Variants in PPM1D observed in about 807,000 individuals in gnomAD.
PPM1D encodes protein phosphatase, Mg2+/Mn2+ dependent 1D, also known as protein phosphatase 1D.
In PPM1D, 52 loss-of-function variants were observed where a neutral mutation model predicts 58.3. The ratio of observed to expected loss-of-function variants is 0.89; its 90% CI spans 0.71 to 1.12. The LOEUF (loss-of-function observed/expected upper bound fraction) is 1.12, where lower values mean the gene tolerates loss of function less well. PPM1D is among the 50% of genes most tolerant of loss of function. The probability of loss-of-function intolerance (pLI) is 0.00; values close to 1 mark genes in which losing one functional copy is unlikely to be tolerated. For synonymous variants in PPM1D, 278 were observed against 285.1 expected (o/e 0.98, Z 0.25); for missense variants, 564 against 777.2 (o/e 0.73, Z 3.26).
intron 3 of PPM1D, among the ~76,000 whole-genome samples, chr17:60,636,703 T>C (rs1449301898): frequency 2.7e-5 from 4 of 150,460 alleles, no homozygotes; most frequent in African/African-American, 4.9e-5. Context: ...ATTTTTCTCT[T>C]TTTTTTTTGA....
intron 1 of PPM1D, among the ~76,000 whole-genome samples, chr17:60,623,252 T>C (rs1029234165): frequency 6.6e-6 from 1 of 152,212 alleles, no homozygotes. Flanking sequence ...CTAAGAGTCA[T>C]GTAGCAGTAG....
chr17:60,620,753 C>A (rs1231710856), intron 1 of PPM1D, among the ~76,000 whole-genome samples: 1 of 151,948 alleles, frequency 6.6e-6, no homozygotes, highest in Non-Finnish European at 1.5e-5. Flanking sequence ...CATGGTCCAC[C>A]CACTTTGGCT....
At chr17:60,644,853 A>T (rs1374987183) in intron 3 of PPM1D, among the ~76,000 whole-genome samples, 1 of 152,220 alleles carries the variant, frequency 6.6e-6, no homozygotes, top group Admixed American at 6.5e-5. Flanking sequence ...TATCATTTAT[A>T]ATCGCACCCA....
At chr17:60,611,183 G>A (rs1291713240) in intron 1 of PPM1D, among the ~76,000 whole-genome samples, 1 of 151,884 alleles carries the variant, frequency 6.6e-6, no homozygotes, top group Non-Finnish European at 1.5e-5. Context: ...CACCACCCCA[G>A]CTAATTTTTC....
At chr17:60,641,369 T>C (rs2031130877) in intron 3 of PPM1D, among the ~76,000 whole-genome samples, 1 of 152,236 alleles carries the variant, frequency 6.6e-6, no homozygotes, top group South Asian at 2.1e-4. Context: ...TTTTTATGAT[T>C]CTTGGCCGTT....
At chr17:60,628,260 A>C (rs749190489) in intron 2 of PPM1D, among the ~76,000 whole-genome samples, 2 of 152,180 alleles carry the variant, frequency 1.3e-5, no homozygotes, top group African/African-American at 2.4e-5. Flanking sequence ...CAGAATTCTC[A>C]TATATACTTT....
intron 3 of PPM1D, among the ~76,000 whole-genome samples, chr17:60,634,525 G>C (rs1041980869): frequency 6.6e-6 from 1 of 152,122 alleles, no homozygotes; most frequent in African/African-American, 2.4e-5. Flanking sequence ...TGCATATCTA[G>C]GCTTAATGTT....
At chr17:60,629,749 T>C (rs1032201677) in intron 2 of PPM1D, among the ~76,000 whole-genome samples, 1 of 152,140 alleles carries the variant, frequency 6.6e-6, no homozygotes, top group African/African-American at 2.4e-5. Flanking sequence ...AAAAATACTT[T>C]TCTTGGGGCC....
intron 5 of PPM1D, among the ~76,000 whole-genome samples, chr17:60,660,760 C>CA: frequency 6.6e-6 from 1 of 151,140 alleles, no homozygotes; most frequent in South Asian, 2.1e-4. Flanking sequence ...GACTCGGCCT[C>CA]AAAAAAAGAA....
intron 1 of PPM1D, among the ~76,000 whole-genome samples, chr17:60,616,783 T>C (rs946196664): frequency 1.3e-5 from 2 of 152,232 alleles, no homozygotes; most frequent in Non-Finnish European, 2.9e-5. Context: ...CATTGCAAAA[T>C]ATCTCTTTGT....
At chr17:60,650,247 A>G (rs1034415838) in intron 4 of PPM1D, among the ~76,000 whole-genome samples, 2 of 152,190 alleles carry the variant, frequency 1.3e-5, no homozygotes, top group Non-Finnish European at 2.9e-5. Flanking sequence ...GTTTTTGGAA[A>G]AAACACAAAG....
chr17:60,653,009 C>T (rs2031373096), intron 4 of PPM1D, among the ~76,000 whole-genome samples: 1 of 152,028 alleles, frequency 6.6e-6, no homozygotes, highest in Admixed American at 6.6e-5. Flanking sequence ...CTTGTATTTT[C>T]ATTTGTCTAT....
At chr17:60,644,997 A>C (rs529508766) in intron 3 of PPM1D, among the ~76,000 whole-genome samples, 1 of 152,340 alleles carries the variant, frequency 6.6e-6, no homozygotes, top group South Asian at 2.1e-4. Flanking sequence ...CCAGAGTTTA[A>C]AAATTTAAGT....
At chr17:60,626,194 A>T (rs571130114) in intron 2 of PPM1D, among the ~76,000 whole-genome samples, 1 of 152,260 alleles carries the variant, frequency 6.6e-6, no homozygotes, top group South Asian at 2.1e-4. Flanking sequence ...TTGTAGGATC[A>T]TTTCCTAAAA....
rs1321857865 is a variant in PPM1D, at chr17:60,603,437, T to C, written c.472+2551T>C. Among the ~76,000 whole-genome samples, 3 of 152,172 alleles carry C rather than the reference T, an allele frequency of 2.0e-5. No homozygotes were observed. The East Asian group carries it at 5.8e-4, about 29-fold the overall frequency. ...TAGTGGTGGGAGGAGTGGGGTTGTT[T>C]TACATTTTGCAAACCTCTTTCAATG... On this transcript the variant is annotated intron_variant, in intron 1 of 5. Coordinates refer to ENST00000305921, the MANE Select transcript of PPM1D (RefSeq NM_003620.4).
chr17:60,642,301 AG>A (rs2031149605), intron 3 of PPM1D, among the ~76,000 whole-genome samples: 1 of 152,082 alleles, frequency 6.6e-6, no homozygotes, highest in African/African-American at 2.4e-5. Context: ...TGAATAAAAA[AG>A]AATCTGTAAG....
At chr17:60,615,665 T>A (rs989258976) in intron 1 of PPM1D, among the ~76,000 whole-genome samples, 53 of 151,336 alleles carry the variant, frequency 3.5e-4, no homozygotes, top group Non-Finnish European at 6.5e-4. Flanking sequence ...GTGGGAGAAT[T>A]TTCTTTTTAC....
intron 4 of PPM1D, 89 bp downstream of exon 4, chr17:60,648,171 A>G (rs2031281772): frequency 7.2e-7 from 1 of 1,397,302 alleles, no homozygotes; most frequent in South Asian, 1.5e-5. Flanking sequence ...AAGGACATTG[A>G]CCTTGGGTAG....
chr17:60,607,775 A>T (rs1358527929), intron 1 of PPM1D, among the ~76,000 whole-genome samples: 1 of 152,260 alleles, frequency 6.6e-6, no homozygotes, highest in African/African-American at 2.4e-5. Flanking sequence ...GCAAAGGGTG[A>T]TCTCTGGTGT....
Sources: gnomAD v4.1 joint callset for allele counts (sites outside exome capture counted in the v4.1 genomes callset) on GRCh38, gnomAD v4.1.1 for gene constraint, MANE v1.5 for transcripts, NCBI Gene and HGNC (gene_info 2026-07-23, HGNC 2026-07-21) for gene names.